GPC5: variants seen among roughly 807,000 people sequenced by gnomAD.
The protein encoded by GPC5 is glypican-5.
Under a neutral mutation model 53.9 loss-of-function variants are expected in GPC5, and 47 were observed. That is an observed-to-expected ratio of 0.87 (90% CI 0.69 to 1.11). The LOEUF is 1.11. Ranked by LOEUF, GPC5 falls within the 50% of genes most tolerant of loss-of-function variation. The probability of loss-of-function intolerance (pLI) is 0.00; values close to 1 mark genes in which losing one functional copy is unlikely to be tolerated. For missense variants in GPC5, 748 were observed against 713.1 expected, an observed-to-expected ratio of 1.05 and a Z score of -0.56; for synonymous variants, 286 against 263.3, an observed-to-expected ratio of 1.09 and a Z score of -0.84.
chr13:92,123,854 T>C (rs1409328213), intron 6 of GPC5, among the ~76,000 whole-genome samples: 2 of 152,204 alleles, frequency 1.3e-5, no homozygotes, highest in South Asian at 2.1e-4. Context: ...TTCTTAATTT[T>C]GTATTGAATA....
At chr13:92,824,299 G>A (rs1427157361) in intron 7 of GPC5, among the ~76,000 whole-genome samples, 1 of 152,042 alleles carries the variant, frequency 6.6e-6, no homozygotes, top group African/African-American at 2.4e-5. Flanking sequence ...CTCAGCAGAC[G>A]ACAGGAGTTT....
Position 91,716,024 on chromosome 13 carries a change from C to T in GPC5, c.1021-12508C>T, listed in dbSNP as rs186084448. On this transcript the variant is annotated intron_variant, in intron 3 of 7. Transcript: ENST00000377067. Reference sequence around the variant, plus strand: ...GAACTCCTGACCTCAAGCGATTCTTCCACCTCAAATTCCAAAAGTGTTGGG... The same window carrying T: ...GAACTCCTGACCTCAAGCGATTCTTTCACCTCAAATTCCAAAAGTGTTGGG... Among the ~76,000 whole-genome samples, 5 of 152,194 alleles carry T rather than the reference C, an allele frequency of 3.3e-5. No homozygotes were observed. In the East Asian group the frequency reaches 9.7e-4, roughly 29 times the overall value.
chr13:92,859,971 A>C (rs1386566059), intron 7 of GPC5, among the ~76,000 whole-genome samples: 1 of 152,146 alleles, frequency 6.6e-6, no homozygotes, highest in Non-Finnish European at 1.5e-5. Context: ...CAATCCAGAA[A>C]AAAAAGTCTA....
chr13:91,738,472 CT>C (rs1566649933), intron 4 of GPC5, among the ~76,000 whole-genome samples: 1 of 151,060 alleles, frequency 6.6e-6, no homozygotes, highest in African/African-American at 2.5e-5. Flanking sequence ...ATAAATCAGT[CT>C]TTATCATTGG....
intron 7 of GPC5, among the ~76,000 whole-genome samples, chr13:92,410,706 C>T (rs1008411019): frequency 6.6e-6 from 1 of 152,144 alleles, no homozygotes; most frequent in Non-Finnish European, 1.5e-5. Flanking sequence ...TATAAAACCA[C>T]TTTAATTAAC....
At chr13:91,600,424 G>C (rs1415631136) in intron 2 of GPC5, among the ~76,000 whole-genome samples, 2 of 151,792 alleles carry the variant, frequency 1.3e-5, no homozygotes, top group Non-Finnish European at 2.9e-5. Flanking sequence ...TTGGCCTGCA[G>C]TGAGCCGAGA....
At chr13:92,249,893 T>C (rs2042680340) in intron 7 of GPC5, among the ~76,000 whole-genome samples, 1 of 152,124 alleles carries the variant, frequency 6.6e-6, no homozygotes, top group South Asian at 2.1e-4. Context: ...TAGTTTCCGG[T>C]ACAATGACTC....
intron 6 of GPC5, among the ~76,000 whole-genome samples, chr13:91,924,185 A>C (rs1231731932): frequency 6.6e-6 from 1 of 152,198 alleles, no homozygotes; most frequent in Non-Finnish European, 1.5e-5. Context: ...CTTAAAAATA[A>C]GTGAAACATA....
At chr13:92,304,965 T>C (rs984366179) in intron 7 of GPC5, among the ~76,000 whole-genome samples, 11 of 152,118 alleles carry the variant, frequency 7.2e-5, no homozygotes, top group Admixed American at 6.5e-4. Flanking sequence ...ACCATTAGAG[T>C]AAATAGATGA....
chr13:92,760,823 T>C (rs987002339), intron 7 of GPC5, among the ~76,000 whole-genome samples: 1 of 152,168 alleles, frequency 6.6e-6, no homozygotes, highest in African/African-American at 2.4e-5. Flanking sequence ...TTTTGCTGTA[T>C]CCCATAGGTT....
At chr13:92,040,542 C>T (rs2040933827) in intron 6 of GPC5, among the ~76,000 whole-genome samples, 1 of 152,090 alleles carries the variant, frequency 6.6e-6, no homozygotes, top group Non-Finnish European at 1.5e-5. Context: ...CAAAAATAAA[C>T]CGGGTGGAAT....
In GPC5 at chr13:91,780,081, T is replaced by A. The variant is rs369862903; in HGVS notation, c.1280+23661T>A. Among the ~76,000 whole-genome samples, 366 of 152,290 alleles carry A rather than the reference T, an allele frequency of 2.4e-3. 18 individuals carry two copies. In the South Asian group the frequency reaches 0.068, roughly 28 times the overall value. ...ACCAGCATCACACAAACACCAAACA[T>A]GTGAGTAACATTGCACTATGATGTT... On this transcript the variant is annotated intron_variant, in intron 5 of 7. Coordinates refer to ENST00000377067, the MANE Select transcript of GPC5 (RefSeq NM_004466.6).
intron 2 of GPC5, among the ~76,000 whole-genome samples, chr13:91,586,846 A>G (rs1006536908): frequency 6.6e-6 from 1 of 151,788 alleles, no homozygotes; most frequent in Non-Finnish European, 1.5e-5. Context: ...TAGTTTCAGT[A>G]TTCAAAATGG....
At chr13:91,515,435 T>G (rs540037258) in intron 2 of GPC5, among the ~76,000 whole-genome samples, 20 of 152,308 alleles carry the variant, frequency 1.3e-4, no homozygotes, top group Admixed American at 3.9e-4. Context: ...TGAGATGACA[T>G]TCAGTCCTTG....
intron 4 of GPC5, among the ~76,000 whole-genome samples, chr13:91,752,665 T>C (rs1032749594): frequency 2.6e-5 from 4 of 152,222 alleles, no homozygotes; most frequent in African/African-American, 7.2e-5. Context: ...TGGCTTTTTA[T>C]TACTGCATAT....
intron 7 of GPC5, among the ~76,000 whole-genome samples, chr13:92,841,876 G>A (rs1488533013): frequency 6.6e-6 from 1 of 152,048 alleles, no homozygotes; most frequent in Non-Finnish European, 1.5e-5. Flanking sequence ...TTTCATCCCA[G>A]TGGTATTGCT....
intron 3 of GPC5, among the ~76,000 whole-genome samples, chr13:91,710,817 T>C (rs972745759): frequency 2.0e-5 from 3 of 152,196 alleles, no homozygotes; most frequent in Non-Finnish European, 4.4e-5. Context: ...TGTAGTTCAC[T>C]CATGTTCATT....
intron 1 of GPC5, among the ~76,000 whole-genome samples, chr13:91,410,037 A>C (rs1329628447): frequency 3.3e-5 from 5 of 152,214 alleles, no homozygotes; most frequent in Non-Finnish European, 7.3e-5. Context: ...TAATGTGAAT[A>C]ACGATGAATT....
intron 4 of GPC5, among the ~76,000 whole-genome samples, chr13:91,735,525 C>G (rs763750397): frequency 1.3e-5 from 2 of 151,234 alleles, no homozygotes; most frequent in Middle Eastern, 3.2e-3. Flanking sequence ...TATTTACTCT[C>G]ATTTTCAAAA....
Sources: allele counts gnomAD v4.1 joint callset (sites outside exome capture counted in the v4.1 genomes callset), GRCh38; gene constraint gnomAD v4.1.1; transcripts MANE v1.5; gene names NCBI Gene and HGNC (gene_info 2026-07-23, HGNC 2026-07-21).